PPARGC1A: variants seen among roughly 807,000 people sequenced by gnomAD.
PPARGC1A encodes PPARG coactivator 1 alpha, also known as peroxisome proliferator-activated receptor gamma coactivator 1-alpha.
In PPARGC1A, 25 loss-of-function variants were observed where a neutral mutation model predicts 88.7. The observed-to-expected ratio is 0.28, with a 90% CI of 0.21 to 0.39. PPARGC1A has a LOEUF of 0.39. Among genes scored for constraint, PPARGC1A ranks in the 10% least tolerant of loss-of-function variants. PPARGC1A has a pLI of 1.00. For missense variants in PPARGC1A, 880 were observed against 968.7 expected, an observed-to-expected ratio of 0.91 and a Z score of 1.22; for synonymous variants, 363 against 355.6, an observed-to-expected ratio of 1.02 and a Z score of -0.24.
the PPARGC1A span, among the ~76,000 whole-genome samples, chr4:23,998,231 A>C: frequency 2.6e-5 from 4 of 152,188 alleles, no homozygotes; most frequent in Non-Finnish European, 5.9e-5. Context: ...TCTACCTCAC[A>C]ATTTTATCCC....
chr4:24,084,142 G>A, the PPARGC1A span, among the ~76,000 whole-genome samples: 4 of 152,134 alleles, frequency 2.6e-5, no homozygotes, highest in Non-Finnish European at 2.9e-5. Flanking sequence ...GTACCCTCAA[G>A]GCTTGGCTCA....
chr4:23,850,868 C>T (rs1055188168), intron 2 of PPARGC1A, among the ~76,000 whole-genome samples: 7 of 152,136 alleles, frequency 4.6e-5, no homozygotes, highest in African/African-American at 7.2e-5. Context: ...TTTTCAGTGA[C>T]CCTAACTTAT....
chr4:24,034,624 G>A, the PPARGC1A span, among the ~76,000 whole-genome samples: 1 of 152,136 alleles, frequency 6.6e-6, no homozygotes, highest in African/African-American at 2.4e-5. Flanking sequence ...GACTGACCAT[G>A]AATTGTTAAT....
chr4:24,020,597 C>G, the PPARGC1A span, among the ~76,000 whole-genome samples: 4 of 152,134 alleles, frequency 2.6e-5, no homozygotes, highest in Non-Finnish European at 5.9e-5. Flanking sequence ...GAGATGGGCT[C>G]CCCTTATCTT....
the PPARGC1A span, among the ~76,000 whole-genome samples, chr4:24,373,851 C>T: frequency 3.3e-5 from 5 of 152,202 alleles, no homozygotes; most frequent in Admixed American, 6.5e-5. Context: ...TTGACACTGG[C>T]TTTTCCAGTG....
At chr4:24,369,602 G>A in the PPARGC1A span, among the ~76,000 whole-genome samples, 1 of 152,038 alleles carries the variant, frequency 6.6e-6, no homozygotes, top group African/African-American at 2.4e-5. Flanking sequence ...GGGTCACACA[G>A]AGAAAGAAAT....
the PPARGC1A span, among the ~76,000 whole-genome samples, chr4:24,359,133 G>A: frequency 3.9e-5 from 6 of 152,178 alleles, no homozygotes; most frequent in Non-Finnish European, 8.8e-5. Flanking sequence ...CTCTATGCCA[G>A]TGTCAATGTT....
chr4:24,374,701 C>T, the PPARGC1A span, among the ~76,000 whole-genome samples: 13 of 152,106 alleles, frequency 8.5e-5, no homozygotes, highest in Admixed American at 6.6e-5. Context: ...TGCCACTTCA[C>T]ACCCACTAGG....
the PPARGC1A span, among the ~76,000 whole-genome samples, chr4:23,975,352 A>G: frequency 1.3e-5 from 2 of 152,116 alleles, no homozygotes; most frequent in African/African-American, 4.8e-5. Flanking sequence ...CTTCTTTTTG[A>G]TTAAAGAATG....
the PPARGC1A span, among the ~76,000 whole-genome samples, chr4:24,418,818 C>A: frequency 6.6e-6 from 1 of 152,172 alleles, no homozygotes; most frequent in African/African-American, 2.4e-5. Context: ...AGTCACTTAA[C>A]AGCAAATTTA....
At chr4:24,277,410 A>C in the PPARGC1A span, among the ~76,000 whole-genome samples, 1 of 152,028 alleles carries the variant, frequency 6.6e-6, no homozygotes, top group Non-Finnish European at 1.5e-5. Context: ...CAGCCCTCCA[A>C]GTGTAGGCTC....
chr4:24,373,462 G>A, the PPARGC1A span, among the ~76,000 whole-genome samples: 3 of 152,284 alleles, frequency 2.0e-5, no homozygotes, highest in South Asian at 2.1e-4. Context: ...AAGGGAACAC[G>A]CTAAAATGTT....
At chr4:24,286,900 C>G in the PPARGC1A span, among the ~76,000 whole-genome samples, 2 of 152,108 alleles carry the variant, frequency 1.3e-5, no homozygotes, top group African/African-American at 4.8e-5. Flanking sequence ...TACTCCCAAG[C>G]TTCCTCACAC....
chr4:24,384,067 G>A, the PPARGC1A span, among the ~76,000 whole-genome samples: 14 of 152,176 alleles, frequency 9.2e-5, no homozygotes, highest in East Asian at 1.9e-4. Context: ...GAAGAGAGTG[G>A]GGGCCAATAT....
At chr4:24,458,758 A>G in the PPARGC1A span, among the ~76,000 whole-genome samples, 302 of 152,312 alleles carry the variant, frequency 2.0e-3, 3 homozygotes, top group East Asian at 0.036. Context: ...GGTTAAATAA[A>G]TGGTTCTATT....
the PPARGC1A span, among the ~76,000 whole-genome samples, chr4:23,998,087 T>C: frequency 8.9e-4 from 135 of 152,312 alleles, 1 homozygote; most frequent in African/African-American, 3.2e-3. Context: ...TCAGTTCTTG[T>C]TATGAAGTTC....
the PPARGC1A span, among the ~76,000 whole-genome samples, chr4:24,153,311 GAAATA>G: frequency 2.0e-5 from 3 of 151,638 alleles, no homozygotes; most frequent in African/African-American, 4.8e-5. Context: ...CCAGCACTCA[GAAATA>G]AAATAATTTA....
intron 2 of PPARGC1A, among the ~76,000 whole-genome samples, chr4:23,853,889 G>A (rs1406780780): frequency 6.6e-6 from 1 of 152,166 alleles, no homozygotes; most frequent in Non-Finnish European, 1.5e-5. Context: ...TCCTAGCTCT[G>A]TCAATTACTA....
the PPARGC1A span, among the ~76,000 whole-genome samples, chr4:24,048,070 A>C: frequency 6.6e-6 from 1 of 152,158 alleles, no homozygotes; most frequent in Admixed American, 6.5e-5. Context: ...ACAACCTCTC[A>C]GGTGCTTAGA....
Sources: allele counts gnomAD v4.1 joint callset (sites outside exome capture counted in the v4.1 genomes callset), GRCh38; gene constraint gnomAD v4.1.1; transcripts MANE v1.5; gene names NCBI Gene and HGNC (gene_info 2026-07-23, HGNC 2026-07-21).